Variants in ABCA3 observed in about 807,000 individuals in gnomAD.
ABCA3 encodes the protein ATP binding cassette subfamily A member 3.
Under a neutral mutation model 172.8 loss-of-function variants are expected in ABCA3, and 88 were observed. That is an observed-to-expected ratio of 0.51 (90% CI 0.43 to 0.61). The LOEUF (loss-of-function observed/expected upper bound fraction) is 0.61, where lower values mean the gene tolerates loss of function less well. Among genes scored for constraint, ABCA3 ranks in the 20% least tolerant of loss-of-function variants. The probability of loss-of-function intolerance (pLI) is 0.00; values close to 1 mark genes in which losing one functional copy is unlikely to be tolerated. For synonymous variants in ABCA3, 1,066 were observed against 983.8 expected, an observed-to-expected ratio of 1.08 and a Z score of -1.56; for missense variants, 2,164 against 2,301.0, an observed-to-expected ratio of 0.94 and a Z score of 1.22.
chr16:2,281,051 G>C lies in ABCA3; in HGVS notation c.4335C>G (p.His1445Gln), dbSNP rs1272378023. Reference protein sequence around the residue: ...LTSGDAFVGGHRISSDVGKVR... With the variant: ...LTSGDAFVGGQRISSDVGKVR... ...CCTTTCCGACATCAGAGCTGATTCT[G>C]TGACCCCCGACAAAGGCATCCCCAG... Residue 1445 changes from histidine (H) to glutamine (Q), a missense_variant, in exon 28 of 33, where the codon CAC (histidine) becomes CAG (glutamine). Around this residue, in one of 3 missense-constraint regions of ABCA3, gnomAD observed 795 missense variants for 881.9 expected, o/e 0.90. Coordinates refer to ENST00000301732, the MANE Select transcript of ABCA3 (RefSeq NM_001089.3). The surrounding 1 kb of genome is among the most constrained non-coding windows in gnomAD (Gnocchi z 4.7). 1.2e-6 allele frequency: 2 copies of C among 1,613,864 alleles called. No individual in the cohort carries two copies. Among genetic ancestry groups the C allele is most frequent in the South Asian group, 1.1e-5 (1 of 91,072 alleles).
intron 10 of ABCA3, among the ~76,000 whole-genome samples, chr16:2,310,541 G>C (rs1041429174): frequency 2.7e-5 from 4 of 149,392 alleles, no homozygotes; most frequent in Non-Finnish European, 5.9e-5. Context: ...TTCTGAGACA[G>C]GGTCTCATAC....
At chr16:2,315,486 C>G (rs1275607550) in intron 10 of ABCA3, among the ~76,000 whole-genome samples, 1 of 152,092 alleles carries the variant, frequency 6.6e-6, no homozygotes. Flanking sequence ...AATACAGACA[C>G]CTTTGGACAT....
chr16:2,329,227 T>A (rs2093739311), intron 2 of ABCA3, among the ~76,000 whole-genome samples: 2 of 152,152 alleles, frequency 1.3e-5, no homozygotes, highest in African/African-American at 4.8e-5. Flanking sequence ...CTTTTAAAAT[T>A]AATAAGGTAG....
At position 2,277,716 on chromosome 16, in the gene ABCA3, A is replaced by G; in HGVS notation, c.4910-46T>C. 6.2e-7 allele frequency: 1 copy of G among 1,610,400 alleles called. No homozygotes were observed. The highest frequency in any genetic ancestry group is 8.5e-7 in the Non-Finnish European group (1 of 1,178,474). On this transcript the variant is annotated intron_variant, in intron 31 of 32. Coordinates refer to ENST00000301732, the MANE Select transcript of ABCA3 (RefSeq NM_001089.3). This position sits in a 1 kb window ranked among gnomAD's most constrained non-coding sequence, Gnocchi z 5.3. The stretch of plus-strand genomic sequence containing the variant: ...GTTGCTGTGAGCGCCGGGCTGGAGG[A>G]TCGGGGAGGGTGCCTGGGTGCTCAG...
Position 2,323,487 on chromosome 16 carries a change from C to T in ABCA3, c.613+36G>A, listed in dbSNP as rs199793094. 8.7e-5 allele frequency: 141 copies of T among 1,613,456 alleles called. 1 individual carries two copies. In the Admixed American group the frequency reaches 9.2e-4, roughly 10 times the overall value. ...ATATGACTGTCACTAGTCAACAGCC[C>T]GGGCTGGTAACACGAACCCTAACCG... On this transcript the variant is annotated intron_variant, in intron 7 of 32. Coordinates refer to ENST00000301732, the MANE Select transcript of ABCA3 (RefSeq NM_001089.3).
intron 11 of ABCA3, among the ~76,000 whole-genome samples, chr16:2,307,592 T>C (rs934888327): frequency 2.6e-5 from 4 of 152,054 alleles, no homozygotes; most frequent in African/African-American, 4.8e-5. Flanking sequence ...CCCTAGACTT[T>C]GAGATCTCTG....
intron 10 of ABCA3, among the ~76,000 whole-genome samples, 153 bp from the exon 11 acceptor site, chr16:2,308,776 C>CG: frequency 6.6e-6 from 1 of 152,244 alleles, no homozygotes. Context: ...AGCTCCAGCA[C>CG]GGGGGGACAC....
Position 2,295,861 on chromosome 16 carries a change from G to A in ABCA3, c.2264-121C>T, listed in dbSNP as rs1005808817. ...TGGGAAGGAGGCTAGAGAACCGGAG[G>A]TGGGCAGCTGAAGCAGAATGAATGT... On this transcript the variant is annotated intron_variant, in intron 17 of 32. Transcript: ENST00000301732. The A allele has an allele frequency of 3.7e-6, 5 of 1,351,476 alleles. No homozygotes were observed. In the African/African-American group the frequency reaches 7.2e-5, roughly 19 times the overall value. 83.7% of individuals were successfully genotyped at this position (1,351,476 alleles called of 1,614,324 possible).
At chr16:2,309,766 C>T (rs111480761) in intron 10 of ABCA3, among the ~76,000 whole-genome samples, 118 of 152,224 alleles carry the variant, frequency 7.8e-4, no homozygotes, top group African/African-American at 2.8e-3. Context: ...ACCACAGGCA[C>T]GCAGTACCAT....
In ABCA3 at chr16:2,332,573, C is replaced by G; in HGVS notation, c.-538-2719G>C. On this transcript the variant is annotated intron_variant, in intron 1 of 32. Coordinates refer to ENST00000301732, the MANE Select transcript of ABCA3 (RefSeq NM_001089.3). ...CGAATGTCCACACCAGCAAATCGCT[C>G]CTTGCTGAGAAGCAAAACTGGCTCC... 3 of 1,330,668 alleles carry G rather than the reference C, an allele frequency of 2.3e-6. No individual in the cohort carries two copies. The South Asian group carries it at 3.6e-5, about 16-fold the overall frequency. 82.4% of individuals were successfully genotyped at this position (1,330,668 alleles called of 1,614,324 possible).
Position 2,300,114 on chromosome 16 carries a change from G to A in ABCA3, c.1502C>T (p.Ala501Val), listed in dbSNP as rs141621969. The A allele has an allele frequency of 7.2e-5, 116 of 1,613,360 alleles. No homozygotes were observed. Among genetic ancestry groups the A allele is most frequent in the Non-Finnish European group, 8.6e-5 (101 of 1,179,922 alleles). ...SYWCGKPRAVAGKEEEDSDPE... is the reference protein window; with the variant it reads ...SYWCGKPRAVVGKEEEDSDPE... ...GTCACTGTCTTCTTCCTCCTTCCCTGCAACCGCCCTTGGCTTCCCACACCA... is the reference window on the plus strand; with the variant it reads ...GTCACTGTCTTCTTCCTCCTTCCCTACAACCGCCCTTGGCTTCCCACACCA... The change falls in exon 13 of 33, where the codon GCA becomes GTA. Residue 501 changes from alanine to valine, a missense_variant. Physicochemically the swap from Ala to Val is moderately conservative, Grantham distance 64. Transcript: ENST00000301732.
rs574182515 is a variant in ABCA3, at chr16:2,278,043, G to T, written c.4745C>A (p.Thr1582Asn). The T allele has an allele frequency of 1.2e-6, 2 of 1,613,330 alleles. No homozygotes were observed. The highest frequency in any genetic ancestry group is 2.7e-5 in the African/African-American group (2 of 74,946). The part of the protein sequence containing the change: ...HSMEECEALC[T>N]RLAIMVQGQF... The stretch of plus-strand genomic sequence containing the variant: ...CCCCTGCACCATGATGGCCAGCCGG[G>T]TGCACAGGGCCTCACACTCCTCCAT... Residue 1582 changes from threonine to asparagine, a missense_variant, in exon 31 of 33, where the codon ACC becomes AAC. Around this residue, in one of 3 missense-constraint regions of ABCA3, gnomAD observed 795 missense variants for 881.9 expected, o/e 0.90. Transcript: ENST00000301732. This position sits in a 1 kb window ranked among gnomAD's most constrained non-coding sequence, Gnocchi z 4.4.
chr16:2,289,433 C>A lies in ABCA3; in HGVS notation c.2700+1G>T. The A allele has an allele frequency of 6.3e-7, 1 of 1,577,030 alleles. No homozygotes were observed. The highest frequency in any genetic ancestry group is 8.6e-7 in the Non-Finnish European group (1 of 1,163,818). Reference sequence around the variant, plus strand: ...ACCCGCCCACCCACCTGGGCACTCACCCCAGTGTTGAGCTTGACAGCGGTG... The same window carrying A: ...ACCCGCCCACCCACCTGGGCACTCAACCCAGTGTTGAGCTTGACAGCGGTG... On this transcript the variant is annotated splice_donor_variant, in intron 20 of 32. Coordinates refer to ENST00000301732, the MANE Select transcript of ABCA3 (RefSeq NM_001089.3). LOFTEE classifies it high-confidence loss of function.
intron 26 of ABCA3, among the ~76,000 whole-genome samples, chr16:2,282,438 A>G (rs1304590832): frequency 6.6e-6 from 1 of 152,228 alleles, no homozygotes; most frequent in Non-Finnish European, 1.5e-5. Flanking sequence ...TTTTTAGAGA[A>G]GTCTGACTAT....
At chr16:2,320,391 C>T (rs2093724168) in intron 7 of ABCA3, among the ~76,000 whole-genome samples, 1 of 150,082 alleles carries the variant, frequency 6.7e-6, no homozygotes, top group Admixed American at 6.7e-5. Context: ...AGCCACTGCA[C>T]CCGGCCTTTT....
intron 20 of ABCA3, 62 bp from the exon 21 acceptor site, chr16:2,288,391 C>A: frequency 6.6e-7 from 1 of 1,510,264 alleles, no homozygotes; most frequent in Non-Finnish European, 8.9e-7. Flanking sequence ...TGACCCCCAC[C>A]CACCTGCGGC....
intron 1 of ABCA3, chr16:2,332,648 C>A (rs954173503): frequency 6.2e-7 from 1 of 1,602,704 alleles, no homozygotes; most frequent in Non-Finnish European, 8.5e-7. Context: ...AGGGGCCGCC[C>A]GTTCACCTTG....
In ABCA3 at chr16:2,298,369, C is replaced by T. The variant is rs745600345; in HGVS notation, c.1896+17G>A. On this transcript the variant is annotated intron_variant, in intron 15 of 32. Transcript: ENST00000301732. ...ATCAGTGGAAACACCCCTGCACACC[C>T]CTGGCCCCCAACTCACCTGGGCGTA... 28 of 1,613,990 alleles carry T rather than the reference C, an allele frequency of 1.7e-5. No individual in the cohort carries two copies. The highest frequency in any genetic ancestry group is 2.3e-5 in the Non-Finnish European group (27 of 1,179,996).
chr16:2,314,315 A>G (rs1277383327), intron 10 of ABCA3, among the ~76,000 whole-genome samples: 2 of 152,216 alleles, frequency 1.3e-5, no homozygotes, highest in Non-Finnish European at 2.9e-5. Context: ...TTCAGGCTAC[A>G]ACACAGATGA....
Sources: allele counts gnomAD v4.1 joint callset (sites outside exome capture counted in the v4.1 genomes callset), GRCh38; gene constraint gnomAD v4.1.1; regional missense constraint gnomAD v4.1.1; non-coding constraint Gnocchi (gnomAD v3.1); transcripts MANE v1.5; gene names NCBI Gene and HGNC (gene_info 2026-07-23, HGNC 2026-07-21).